RGSL1: variants seen among roughly 807,000 people sequenced by gnomAD.
RGSL1 encodes regulator of G protein signaling protein-like.
In RGSL1, 97 loss-of-function variants were observed where a neutral mutation model predicts 124.7. The ratio of observed to expected loss-of-function variants is 0.78; its 90% CI spans 0.66 to 0.92. The LOEUF (loss-of-function observed/expected upper bound fraction) is 0.92. RGSL1 is among the 40% of genes least tolerant of loss of function. RGSL1 has a pLI of 0.00. For missense variants in RGSL1, 1,233 were observed against 1,288.4 expected, an observed-to-expected ratio of 0.96 and a Z score of 0.66; for synonymous variants, 424 against 438.1, an observed-to-expected ratio of 0.97 and a Z score of 0.40.
rs1453619934 is a variant in RGSL1 at position 182,532,674 on chromosome 1, A to T, written c.2377A>T (p.Met793Leu). The change falls in exon 14 of 22, where the codon ATG becomes TTG. Residue 793 changes from methionine (M) to leucine (L), a missense_variant. Coordinates refer to ENST00000294854, the MANE Select transcript of RGSL1 (RefSeq NM_001137669.2). ...YLQESQKKGWMRMISFIRSFC... is the reference protein window; with the variant it reads ...YLQESQKKGWLRMISFIRSFC... ...TTTCTTTCCCCAGAAGAAAGGCTGG[A>T]TGAGAATGATCAGCTTTATCAGGAG... 3.2e-6 allele frequency: 5 copies of T among 1,550,896 alleles called. No homozygotes were observed. In the East Asian group the frequency reaches 1.2e-4, roughly 38 times the overall value.
chr1:182,507,571 TG>T, intron 9 of RGSL1, among the ~76,000 whole-genome samples: 1 of 152,358 alleles, frequency 6.6e-6, no homozygotes, highest in East Asian at 1.9e-4. Context: ...CATTCTTTTT[TG>T]TGGCTGGATA....
intron 9 of RGSL1, among the ~76,000 whole-genome samples, chr1:182,520,033 C>G (rs1236584568): frequency 6.6e-6 from 1 of 151,818 alleles, no homozygotes; most frequent in African/African-American, 2.4e-5. Context: ...TGCCATTTTC[C>G]CCCCTTGGTT....
chr1:182,489,799 G>A (rs1031016649), intron 8 of RGSL1, among the ~76,000 whole-genome samples: 3 of 152,068 alleles, frequency 2.0e-5, no homozygotes, highest in African/African-American at 7.2e-5. Flanking sequence ...CTGTAAAATG[G>A]GAATAATAAC....
At chr1:182,515,177 C>T (rs1201010805) in intron 9 of RGSL1, among the ~76,000 whole-genome samples, 2 of 152,204 alleles carry the variant, frequency 1.3e-5, no homozygotes, top group African/African-American at 4.8e-5. Context: ...TGTTCGCACT[C>T]ACCTATGCCT....
chr1:182,514,172 C>T lies in RGSL1; in HGVS notation c.1826-7832C>T, dbSNP rs368003391. Reference sequence around the variant, plus strand: ...CCTCTCAAAGTGCTGGGATTATAGGCGTGAGCTACCATGCCCAGCCTGCAG... The same window carrying T: ...CCTCTCAAAGTGCTGGGATTATAGGTGTGAGCTACCATGCCCAGCCTGCAG... On this transcript the variant is annotated intron_variant, in intron 9 of 21. Coordinates refer to ENST00000294854, the MANE Select transcript of RGSL1 (RefSeq NM_001137669.2). 5.3e-5 allele frequency among the ~76,000 whole-genome samples: 8 copies of T among 152,268 alleles called. 1 individual carries two copies. The highest frequency in any genetic ancestry group is 1.9e-4 in the East Asian group (1 of 5,184).
chr1:182,529,930 G>C lies in RGSL1; in HGVS notation c.2126-314G>C, dbSNP rs111397188. 6.9e-3 allele frequency among the ~76,000 whole-genome samples: 1,048 copies of C among 152,242 alleles called. 15 individuals carry two copies. Among genetic ancestry groups the C allele is most frequent in the Middle Eastern group, 0.031 (9 of 294 alleles). ...AACTATAATCCTTTACCCTTCTGCT[G>C]TCTCTCTAAATCCAAGTTTTTCAAA... On this transcript the variant is annotated intron_variant, in intron 11 of 21. Coordinates refer to ENST00000294854, the MANE Select transcript of RGSL1 (RefSeq NM_001137669.2).
chr1:182,474,047 G>A lies in RGSL1; in HGVS notation c.936G>A (p.Met312Ile), dbSNP rs369577622. 3.6e-5 allele frequency: 56 copies of A among 1,551,678 alleles called. No homozygotes were observed. The African/African-American group carries it at 6.4e-4, about 18-fold the overall frequency. The change falls in exon 6 of 22, where the codon ATG becomes ATA. Residue 312 changes from methionine (M) to isoleucine (I), a missense_variant. Met to Ile is a conservative substitution (Grantham distance 10, BLOSUM62 1). Coordinates refer to ENST00000294854, the MANE Select transcript of RGSL1 (RefSeq NM_001137669.2). ...ETRISSLEKD[M>I]HYAKISSMEN... is the part of the protein sequence containing the mutation. ...GAATCAGTTCCCTGGAAAAGGATAT[G>A]CATTATGCAAAAATATCCAGCATGG...
chr1:182,461,472 A>G (rs1163259406), intron 4 of RGSL1, among the ~76,000 whole-genome samples: 6 of 152,242 alleles, frequency 3.9e-5, no homozygotes, highest in African/African-American at 1.2e-4. Flanking sequence ...CACAAAGAGG[A>G]AAGTATGGTC....
intron 10 of RGSL1, among the ~76,000 whole-genome samples, chr1:182,525,423 A>G (rs1658668370): frequency 6.6e-6 from 1 of 152,206 alleles, no homozygotes; most frequent in African/African-American, 2.4e-5. Flanking sequence ...TTAACCAAAT[A>G]TAGAATATCA....
At chr1:182,450,271 C>T (rs1015607846) in intron 1 of RGSL1, 93 bp downstream of exon 1, 31 of 1,415,248 alleles carry the variant, frequency 2.2e-5, no homozygotes, top group Admixed American at 3.9e-5. Flanking sequence ...CTGAGCCATT[C>T]AGGGGCACCA....
chr1:182,478,363 T>G (rs1654451118), intron 6 of RGSL1, among the ~76,000 whole-genome samples: 1 of 152,016 alleles, frequency 6.6e-6, no homozygotes, highest in African/African-American at 2.4e-5. Context: ...TAAAAAACAA[T>G]GAAAGAGCCA....
At chr1:182,514,108 G>C (rs1392644802) in intron 9 of RGSL1, among the ~76,000 whole-genome samples, 2 of 152,106 alleles carry the variant, frequency 1.3e-5, no homozygotes, top group African/African-American at 2.4e-5. Context: ...AGCCAGGCTT[G>C]CCTTGAACTC....
chr1:182,551,134 C>G lies in RGSL1; in HGVS notation c.2968C>G (p.Gln990Glu), dbSNP rs1158747983. The G allele has an allele frequency of 6.4e-7, 1 of 1,551,696 alleles. No homozygotes were observed. Among genetic ancestry groups the G allele is most frequent in the Admixed American group, 2.0e-5 (1 of 51,004 alleles). Residue 990 changes from glutamine to glutamate, a missense_variant, in exon 18 of 22, where the codon CAG becomes GAG. Physicochemically the swap from Gln to Glu is conservative, Grantham distance 29 (BLOSUM62 2). Transcript: ENST00000294854. Reference protein sequence around the residue: ...CFWKATRSYLQYRGKKFKDRK... With the variant: ...CFWKATRSYLEYRGKKFKDRK... ...CTGGAAGGCAACCCGCTCTTACTTACAGTATAGGGGGAAGAAGTTCAAGGA... is the reference window on the plus strand; with the variant it reads ...CTGGAAGGCAACCCGCTCTTACTTAGAGTATAGGGGGAAGAAGTTCAAGGA...
Position 182,470,017 on chromosome 1 carries a change from GGCAGTGACT to G in RGSL1, c.302-2377_302-2369del, listed in dbSNP as rs113396869. ...AGGAGCTGGGAGGAGGGGGGAAATA[GGCAGTGACT>G]GTTTAATGAGTAAAGAGTTTCAGTT... On this transcript the variant is annotated intron_variant, in intron 4 of 21. Transcript: ENST00000294854. 7.8e-3 allele frequency among the ~76,000 whole-genome samples: 1,190 copies of G among 152,160 alleles called. 11 individuals are homozygous for G. Among genetic ancestry groups the G allele is most frequent in the African/African-American group, 0.023 (934 of 41,510 alleles).
chr1:182,486,472 C>T (rs750242548), intron 6 of RGSL1, among the ~76,000 whole-genome samples: 1 of 151,612 alleles, frequency 6.6e-6, no homozygotes, highest in Non-Finnish European at 1.5e-5. Flanking sequence ...GGGTGGCATG[C>T]GCCTCCCATA....
chr1:182,542,250 G>C lies in RGSL1; in HGVS notation c.2669+1829G>C, dbSNP rs142245174. ...TATTTGATTTTTGTATATGGTGAGA[G>C]ATAGGTGTCTGGTTTCATTCTGCTG... On this transcript the variant is annotated intron_variant, in intron 15 of 21. Coordinates refer to ENST00000294854, the MANE Select transcript of RGSL1 (RefSeq NM_001137669.2). Among the ~76,000 whole-genome samples, 739 of 152,276 alleles carry C rather than the reference G, an allele frequency of 4.9e-3. 5 individuals carry two copies. Among genetic ancestry groups the C allele is most frequent in the African/African-American group, 0.017 (711 of 41,566 alleles).
At position 182,460,970 on chromosome 1, in the gene RGSL1, T is replaced by C. The variant is rs574229774; in HGVS notation, c.301+837T>C. Among the ~76,000 whole-genome samples, 4 of 152,254 alleles carry C rather than the reference T, an allele frequency of 2.6e-5. No homozygotes were observed. In the East Asian group the frequency reaches 7.7e-4, roughly 29 times the overall value. On this transcript the variant is annotated intron_variant, in intron 4 of 21. Coordinates refer to ENST00000294854, the MANE Select transcript of RGSL1 (RefSeq NM_001137669.2). The stretch of plus-strand genomic sequence containing the variant: ...GGCAAAAAGAATCTTGTCTTCCAAA[T>C]ATTAAGGATCTGTGCTCCGATTGCT...
At chr1:182,487,940 G>C (rs1439898285) in intron 6 of RGSL1, among the ~76,000 whole-genome samples, 1 of 152,152 alleles carries the variant, frequency 6.6e-6, no homozygotes, top group Non-Finnish European at 1.5e-5. Flanking sequence ...AAAGATGCTT[G>C]GTTTTCAGGG....
rs1399934198 is a variant in RGSL1 at position 182,522,081 on chromosome 1, C to A, written c.1903C>A (p.Leu635Ile). 6.5e-7 allele frequency: 1 copy of A among 1,550,116 alleles called. No individual in the cohort carries two copies. Among genetic ancestry groups the A allele is most frequent in the Admixed American group, 2.0e-5 (1 of 50,774 alleles). ...GAAAATGTCCTTGCTCAAAAGAACTCTTGTAAGGAAGCCATCAATGAGACC... is the reference window on the plus strand; with the variant it reads ...GAAAATGTCCTTGCTCAAAAGAACTATTGTAAGGAAGCCATCAATGAGACC... ...NRKMSLLKRT[L>I]VRKPSMRPRN... The change falls in exon 10 of 22, where the codon CTT (leucine) becomes ATT (isoleucine). Residue 635 changes from leucine (L) to isoleucine (I), a missense_variant. Physicochemically the swap from Leu to Ile is conservative, Grantham distance 5 (BLOSUM62 2). Transcript: ENST00000294854.
Sources: allele counts gnomAD v4.1 joint callset (sites outside exome capture counted in the v4.1 genomes callset), GRCh38; gene constraint gnomAD v4.1.1; transcripts MANE v1.5; gene names NCBI Gene and HGNC (gene_info 2026-07-23, HGNC 2026-07-21).